The following LRIT3 variants were observed in gnomAD, a reference collection of about 807,000 sequenced individuals.
The protein encoded by LRIT3 is leucine rich repeat, Ig-like and transmembrane domains 3.
In LRIT3, 14 loss-of-function variants were observed where a neutral mutation model predicts 22.6. The observed-to-expected ratio is 0.62, with a 90% confidence interval of 0.41 to 0.97. LRIT3 has a LOEUF of 0.97. Among genes scored for constraint, LRIT3 ranks in the 50% least tolerant of loss-of-function variants. LRIT3 has a pLI of 0.00. For synonymous variants in LRIT3, 306 were observed against 304.5 expected (o/e 1.01, Z -0.05); for missense variants, 783 against 803.0 (o/e 0.98, Z 0.30).
chr4:109,870,043 G>A lies in LRIT3; in HGVS notation c.1294G>A (p.Ala432Thr). Residue 432 changes from alanine to threonine, a missense_variant, in exon 4 of 4, where the codon GCA becomes ACA. Ala to Thr is a moderately conservative substitution (Grantham distance 58, BLOSUM62 0). This residue lies in a region of LRIT3 where 756 missense variants were observed against 753.8 expected (regional missense o/e 1.00). Transcript: ENST00000594814. ...STTTLSTSIS[A>T]STTMANKRSF... ...CACAACTCTGAGCACAAGCATCTCA[G>A]CAAGTACCACCATGGCCAACAAGCG... 6.2e-7 allele frequency: 1 copy of A among 1,614,126 alleles called. No homozygotes were observed. Among genetic ancestry groups the A allele is most frequent in the Non-Finnish European group, 8.5e-7 (1 of 1,180,040 alleles).
chr4:109,868,858 T>C (rs1459269061), intron 3 of LRIT3, among the ~76,000 whole-genome samples: 4 of 152,140 alleles, frequency 2.6e-5, no homozygotes, highest in Admixed American at 1.3e-4. Flanking sequence ...AATGTTCCTA[T>C]ATATAGGTAG....
intron 1 of LRIT3, among the ~76,000 whole-genome samples, chr4:109,850,411 C>CT (rs1734197709): frequency 8.7e-5 from 1 of 11,540 alleles, no homozygotes; most frequent in African/African-American, 2.7e-4. Context: ...TCCTTCCTTC[C>CT]TTCCTTCCTT....
rs770729745 is a variant in LRIT3, at chr4:109,867,942, T to C, written c.891T>C (p.Tyr297=). The part of the protein sequence containing the change: ...WTRSDSSPVN[Y]TVIQESPEEG... ...GATCTGACAGCTCGCCAGTTAATTATACAGGTATTTTCTTAATTCAGCCCC... is the reference window on the plus strand; with the variant it reads ...GATCTGACAGCTCGCCAGTTAATTACACAGGTATTTTCTTAATTCAGCCCC... Residue 297 remains tyrosine, a synonymous_variant, in exon 3 of 4, where the codon TAT becomes TAC. Coordinates refer to ENST00000594814, the MANE Select transcript of LRIT3 (RefSeq NM_198506.5). 18 of 1,607,672 alleles carry C rather than the reference T, an allele frequency of 1.1e-5. No individual in the cohort carries two copies. Among genetic ancestry groups the C allele is most frequent in the Non-Finnish European group, 1.5e-5 (18 of 1,176,030 alleles).
chr4:109,870,337 T>C lies in LRIT3; in HGVS notation c.1588T>C (p.Leu530=). The C allele has an allele frequency of 6.2e-7, 1 of 1,614,180 alleles. No individual in the cohort carries two copies. Among genetic ancestry groups the C allele is most frequent in the Non-Finnish European group, 8.5e-7 (1 of 1,180,020 alleles). ...GTATGGTGGGAAGGACCTGCTGCTG[T>C]TGAATGCAGACTCCAGCAAGAACCA... ...SKYGGKDLLL[L]NADSSKNQVT... The change falls in exon 4 of 4, where the codon TTG becomes CTG. Residue 530 remains leucine (L), a synonymous_variant. Transcript: ENST00000594814.
In LRIT3 at chr4:109,870,720, T is replaced by C; in HGVS notation, c.1971T>C (p.Cys657=). The part of the protein sequence containing the change: ...HRDDSEKLLL[C]SRSSVESQVT... ...ATGACTCAGAGAAATTGCTGCTTTG[T>C]TCTAGGTCAAGTGTGGAATCTCAGG... Residue 657 remains cysteine, a synonymous_variant, in exon 4 of 4, where the codon TGT becomes TGC. Coordinates refer to ENST00000594814, the MANE Select transcript of LRIT3 (RefSeq NM_198506.5). 6.2e-7 allele frequency: 1 copy of C among 1,614,040 alleles called. No homozygotes were observed. The highest frequency in any genetic ancestry group is 8.5e-7 in the Non-Finnish European group (1 of 1,179,970).
At chr4:109,856,772 A>G (rs1415344172) in intron 2 of LRIT3, among the ~76,000 whole-genome samples, 4 of 152,226 alleles carry the variant, frequency 2.6e-5, no homozygotes, top group African/African-American at 2.4e-5. Context: ...TGATTGGCCA[A>G]TTTTTGATCA....
rs1734723284 is a variant in LRIT3, at chr4:109,867,848, C to T, written c.797C>T (p.Ala266Val). The change falls in exon 3 of 4, where the codon GCT becomes GTT. Residue 266 changes from alanine (A) to valine (V), a missense_variant. Around this residue, in one of 2 missense-constraint regions of LRIT3, gnomAD observed 756 missense variants for 753.8 expected, o/e 1.00. Transcript: ENST00000594814. ...ACCTCAGCCACCAAAATCATGTCTG[C>T]TCTGGGCAGTAATGTTCTACTGCGG... is the stretch of plus-strand genomic sequence containing the variant. ...VMTSATKIMSALGSNVLLRCD... is the reference protein window; with the variant it reads ...VMTSATKIMSVLGSNVLLRCD... 1 of 1,614,182 alleles carries T rather than the reference C, an allele frequency of 6.2e-7. No homozygotes were observed.
At position 109,869,867 on chromosome 4, in the gene LRIT3, C is replaced by G. The variant is rs779839287; in HGVS notation, c.1118C>G (p.Ser373Cys). The G allele has an allele frequency of 2.5e-6, 4 of 1,614,036 alleles. No homozygotes were observed. In the African/African-American group the frequency reaches 4.0e-5, roughly 16 times the overall value. The change falls in exon 4 of 4, where the codon TCT becomes TGT. Residue 373 changes from serine (S) to cysteine (C), a missense_variant. By Grantham distance (112) the Ser-to-Cys change is moderately radical. Coordinates refer to ENST00000594814, the MANE Select transcript of LRIT3 (RefSeq NM_198506.5). ...DHPEWDVQPG[S>C]GRSTSVSSAS... The stretch of plus-strand genomic sequence containing the variant: ...CCTGAGTGGGATGTCCAGCCGGGAT[C>G]TGGAAGATCTACATCTGTATCTAGC...
At position 109,869,965 on chromosome 4, in the gene LRIT3, T is replaced by C; in HGVS notation, c.1216T>C (p.Ser406Pro). ...SFSASTLSPPSTASFSLSPFS... is the reference protein window; with the variant it reads ...SFSASTLSPPPTASFSLSPFS... ...TTCTGCTTCTACTTTGTCTCCTCCC[T>C]CTACTGCTTCCTTCTCTTTATCTCC... The change falls in exon 4 of 4, where the codon TCT (serine) becomes CCT (proline). Residue 406 changes from serine to proline, a missense_variant. Ser to Pro is a moderately conservative substitution (Grantham distance 74). This residue lies in a region of LRIT3 where 756 missense variants were observed against 753.8 expected (regional missense o/e 1.00). Transcript: ENST00000594814. The C allele has an allele frequency of 6.2e-7, 1 of 1,614,062 alleles. No homozygotes were observed. Among genetic ancestry groups the C allele is most frequent in the Non-Finnish European group, 8.5e-7 (1 of 1,179,950 alleles).
rs1204705594 is a variant in LRIT3 at position 109,871,683 on chromosome 4, A to G, written c.*894A>G. 2 of 151,886 alleles carry G rather than the reference A, an allele frequency of 1.3e-5. No individual in the cohort carries two copies. The highest frequency in any genetic ancestry group is 2.9e-5 in the Non-Finnish European group (2 of 68,002). 9.4% of individuals were successfully genotyped at this position (151,886 alleles called of 1,614,324 possible). ...TTGTCTTTTGCCATATTGTCTTTTG[A>G]TTCTCTTGATAAAGAGAAAGCTTTT... On this transcript the variant is annotated 3_prime_UTR_variant, in exon 4 of 4. Transcript: ENST00000594814.
intron 2 of LRIT3, among the ~76,000 whole-genome samples, chr4:109,856,221 C>A (rs937638989): frequency 1.3e-5 from 2 of 152,136 alleles, no homozygotes; most frequent in African/African-American, 2.4e-5. Flanking sequence ...TTTGTACTTA[C>A]AATTATCAGA....
intron 3 of LRIT3, among the ~76,000 whole-genome samples, chr4:109,868,895 A>G (rs1387395255): frequency 1.3e-5 from 2 of 152,160 alleles, no homozygotes; most frequent in Non-Finnish European, 2.9e-5. Context: ...TCAGCTAGTG[A>G]GTTAAGTTTT....
chr4:109,856,791 C>A (rs907813019), intron 2 of LRIT3, among the ~76,000 whole-genome samples: 11 of 152,278 alleles, frequency 7.2e-5, no homozygotes, highest in Admixed American at 5.2e-4. Context: ...CAATACCTGA[C>A]TGAGAATTCC....
Position 109,848,329 on chromosome 4 carries a change from T to C in LRIT3, c.116+12T>C, listed in dbSNP as rs1734123853. 10 of 1,194,414 alleles carry C rather than the reference T, an allele frequency of 8.4e-6. No individual in the cohort carries two copies. Among genetic ancestry groups the C allele is most frequent in the South Asian group, 4.2e-5 (1 of 23,576 alleles). The allele number at this position is 1,194,414 out of a possible 1,614,324, so 74.0% of individuals were successfully genotyped here. A position where few individuals can be genotyped will look rare whatever the true frequency, so the allele number is the denominator to read the frequency against. The stretch of plus-strand genomic sequence containing the variant: ...GGCTCAGGATCAAGGTATGCTCCTC[T>C]GCTTGTTACTAAGTGTTCTCATTAT... On this transcript the variant is annotated intron_variant, in intron 1 of 3. Transcript: ENST00000594814.
chr4:109,851,731 A>G lies in LRIT3; in HGVS notation c.344A>G (p.Asn115Ser). Residue 115 changes from asparagine (N) to serine (S), a missense_variant, in exon 2 of 4, where the codon AAT (asparagine) becomes AGT (serine). This residue lies in a region of LRIT3 where 756 missense variants were observed against 753.8 expected (regional missense o/e 1.00). Coordinates refer to ENST00000594814, the MANE Select transcript of LRIT3 (RefSeq NM_198506.5). The part of the protein sequence containing the change: ...KQLHELRLDG[N>S]SLAAFPWASL... The stretch of plus-strand genomic sequence containing the variant: ...CTGCATGAGTTGCGCTTGGATGGGA[A>G]TTCTCTGGCTGCTTTCCCTTGGGCA... 6.4e-7 allele frequency: 1 copy of G among 1,551,714 alleles called. No homozygotes were observed. The highest frequency in any genetic ancestry group is 8.7e-7 in the Non-Finnish European group (1 of 1,146,994).
In LRIT3 at chr4:109,867,842, T is replaced by C. The variant is rs762773019; in HGVS notation, c.791T>C (p.Met264Thr). The C allele has an allele frequency of 4.3e-6, 7 of 1,614,086 alleles. No homozygotes were observed. The highest frequency in any genetic ancestry group is 2.7e-5 in the African/African-American group (2 of 74,932). The part of the protein sequence containing the change: ...PSVMTSATKI[M>T]SALGSNVLLR... Reference sequence around the variant, plus strand: ...GTGATGACCTCAGCCACCAAAATCATGTCTGCTCTGGGCAGTAATGTTCTA... The same window carrying C: ...GTGATGACCTCAGCCACCAAAATCACGTCTGCTCTGGGCAGTAATGTTCTA... The change falls in exon 3 of 4, where the codon ATG becomes ACG. Residue 264 changes from methionine (M) to threonine (T), a missense_variant. Met to Thr is a moderately conservative substitution (Grantham distance 81). Coordinates refer to ENST00000594814, the MANE Select transcript of LRIT3 (RefSeq NM_198506.5).
intron 1 of LRIT3, among the ~76,000 whole-genome samples, chr4:109,849,026 A>AT (rs531906830): frequency 6.2e-4 from 93 of 150,510 alleles, no homozygotes; most frequent in African/African-American, 2.1e-3. Flanking sequence ...TAGAACTTGA[A>AT]TTTTTTTTTT....
chr4:109,867,530 A>C, intron 2 of LRIT3, 111 bp from the exon 3 acceptor site: 1 of 1,000,400 alleles, frequency 1.0e-6, no homozygotes, highest in Non-Finnish European at 1.5e-6. Context: ...CATCCCTCAA[A>C]GCACTTCTGT....
chr4:109,858,705 A>C (rs1015592196), intron 2 of LRIT3, among the ~76,000 whole-genome samples: 1 of 152,212 alleles, frequency 6.6e-6, no homozygotes, highest in Admixed American at 6.5e-5. Context: ...TAATGTGAGC[A>C]ATGCCAAGTT....
Sources: gnomAD v4.1 joint callset for allele counts (sites outside exome capture counted in the v4.1 genomes callset) on GRCh38, gnomAD v4.1.1 for gene constraint, gnomAD v4.1.1 regional missense constraint, MANE v1.5 for transcripts, NCBI Gene and HGNC (gene_info 2026-07-23, HGNC 2026-07-21) for gene names.